The following MCTP1 variants were observed in gnomAD, a reference collection of about 807,000 sequenced individuals.
MCTP1 encodes the protein multiple C2 and transmembrane domain-containing protein 1.
In MCTP1, 69 loss-of-function variants were observed where a neutral mutation model predicts 120.6. The ratio of observed to expected loss-of-function variants is 0.57; its 90% CI spans 0.47 to 0.70. The LOEUF is 0.70. Ranked by LOEUF, MCTP1 falls within the 30% of genes least tolerant of loss-of-function variation. The pLI is 0.00. For missense variants in MCTP1, 1,203 were observed against 1,248.8 expected (o/e 0.96, Z 0.55); for synonymous variants, 529 against 493.1 (o/e 1.07, Z -0.96).
chr5:94,880,505 T>C (rs542561201), intron 12 of MCTP1, among the ~76,000 whole-genome samples: 1 of 152,274 alleles, frequency 6.6e-6, no homozygotes, highest in South Asian at 2.1e-4. Context: ...TAACTGAAAA[T>C]TGTCATCTGT....
chr5:94,862,674 G>A (rs2153233823), intron 17 of MCTP1, among the ~76,000 whole-genome samples: 1 of 151,728 alleles, frequency 6.6e-6, no homozygotes, highest in Middle Eastern at 3.4e-3. Context: ...ACTCTTTGGG[G>A]GCCTTTTATA....
chr5:95,002,592 T>C (rs928240389), intron 2 of MCTP1, among the ~76,000 whole-genome samples: 16 of 152,226 alleles, frequency 1.1e-4, no homozygotes, highest in African/African-American at 3.6e-4. Flanking sequence ...TGGACTTGTA[T>C]GGGGCCTGTA....
intron 8 of MCTP1, among the ~76,000 whole-genome samples, chr5:94,913,781 T>C (rs1037738147): frequency 6.6e-6 from 1 of 152,130 alleles, no homozygotes; most frequent in African/African-American, 2.4e-5. Flanking sequence ...CATAGCTCAC[T>C]GTAACCTCAA....
intron 7 of MCTP1, among the ~76,000 whole-genome samples, chr5:94,918,337 T>C (rs1048775393): frequency 3.3e-5 from 5 of 152,234 alleles, no homozygotes; most frequent in African/African-American, 1.2e-4. Flanking sequence ...CCAAGTCTGC[T>C]GCTTCAAAAT....
At chr5:95,216,063 G>A (rs182872474) in intron 1 of MCTP1, among the ~76,000 whole-genome samples, 2 of 152,200 alleles carry the variant, frequency 1.3e-5, no homozygotes, top group East Asian at 3.9e-4. Flanking sequence ...CTTTGATGTT[G>A]AAATATTTGT....
intron 1 of MCTP1, among the ~76,000 whole-genome samples, chr5:95,114,532 T>G (rs535031985): frequency 4.6e-5 from 7 of 152,164 alleles, no homozygotes; most frequent in Non-Finnish European, 1.0e-4. Context: ...CATGTGGGCC[T>G]GTGGTATTGG....
At chr5:95,205,454 A>G (rs1341590423) in intron 1 of MCTP1, among the ~76,000 whole-genome samples, 1 of 152,182 alleles carries the variant, frequency 6.6e-6, no homozygotes, top group African/African-American at 2.4e-5. Context: ...GTCTGACACA[A>G]AAAGCACAGC....
intron 3 of MCTP1, among the ~76,000 whole-genome samples, chr5:94,944,677 T>G (rs935434233): frequency 1.3e-5 from 2 of 151,548 alleles, no homozygotes; most frequent in Non-Finnish European, 3.0e-5. Flanking sequence ...TTTCCTATTA[T>G]CCTAATGCTA....
chr5:94,913,092 A>T (rs1434296899), intron 8 of MCTP1, 116 bp from the exon 9 acceptor site: 4 of 514,174 alleles, frequency 7.8e-6, no homozygotes, highest in Admixed American at 6.8e-5. Flanking sequence ...GGCAATTATA[A>T]TTTTTTTAAC....
intron 19 of MCTP1, among the ~76,000 whole-genome samples, chr5:94,718,045 C>T (rs1481782334): frequency 1.3e-5 from 2 of 152,004 alleles, no homozygotes; most frequent in Admixed American, 6.6e-5. Flanking sequence ...AAAAAGAGCC[C>T]GTATAGCTAA....
At chr5:94,984,525 G>T (rs149932136) in intron 2 of MCTP1, among the ~76,000 whole-genome samples, 1 of 152,090 alleles carries the variant, frequency 6.6e-6, no homozygotes, top group African/African-American at 2.4e-5. Context: ...AGTCTTGAAC[G>T]CCAGACTGAT....
chr5:94,865,616 A>T (rs1796661536), intron 17 of MCTP1, among the ~76,000 whole-genome samples: 1 of 151,932 alleles, frequency 6.6e-6, no homozygotes, highest in South Asian at 2.1e-4. Flanking sequence ...AAATGTCTCT[A>T]GTTATACAAT....
chr5:94,712,295 A>C (rs1757317596), intron 20 of MCTP1, among the ~76,000 whole-genome samples: 1 of 152,158 alleles, frequency 6.6e-6, no homozygotes, highest in Non-Finnish European at 1.5e-5. Context: ...CATTTATGGC[A>C]CTTTTTTCTT....
intron 1 of MCTP1, among the ~76,000 whole-genome samples, chr5:95,283,153 CT>C (rs1048111038): frequency 2.0e-5 from 3 of 152,170 alleles, no homozygotes; most frequent in African/African-American, 7.2e-5. Flanking sequence ...AGTAAAAGCA[CT>C]TTTACAAACC....
chr5:95,152,577 C>T (rs1005538748), intron 1 of MCTP1, among the ~76,000 whole-genome samples: 7 of 152,156 alleles, frequency 4.6e-5, no homozygotes, highest in African/African-American at 1.7e-4. Flanking sequence ...GAGTCTAGAC[C>T]AGTTTAGCTT....
At chr5:94,961,124 G>C (rs555670170) in intron 2 of MCTP1, among the ~76,000 whole-genome samples, 1 of 152,212 alleles carries the variant, frequency 6.6e-6, no homozygotes, top group African/African-American at 2.4e-5. Context: ...CCTTTGTAGG[G>C]ACATGGAAGA....
chr5:94,821,555 AT>A (rs1419721708), intron 17 of MCTP1, among the ~76,000 whole-genome samples: 2 of 152,312 alleles, frequency 1.3e-5, no homozygotes, highest in South Asian at 4.1e-4. Context: ...TTGTATGTAT[AT>A]TTGTAATATA....
intron 19 of MCTP1, among the ~76,000 whole-genome samples, chr5:94,734,672 G>A (rs759609962): frequency 1.3e-5 from 2 of 152,120 alleles, no homozygotes; most frequent in African/African-American, 4.8e-5. Flanking sequence ...GTCCAGGTAG[G>A]TCTTAGACTC....
chr5:95,097,049 T>G (rs1756323225), intron 1 of MCTP1, among the ~76,000 whole-genome samples: 1 of 152,172 alleles, frequency 6.6e-6, no homozygotes, highest in African/African-American at 2.4e-5. Flanking sequence ...TGAATCAATA[T>G]TTTTTATAAC....
Sources: gnomAD v4.1 joint callset for allele counts (sites outside exome capture counted in the v4.1 genomes callset) on GRCh38, gnomAD v4.1.1 for gene constraint, MANE v1.5 for transcripts, NCBI Gene and HGNC (gene_info 2026-07-23, HGNC 2026-07-21) for gene names.